The following DOCK10 variants were observed in gnomAD, a reference collection of about 807,000 sequenced individuals.
DOCK10 encodes the protein dedicator of cytokinesis 10.
Under a neutral mutation model 280.1 loss-of-function variants are expected in DOCK10, and 145 were observed. The observed-to-expected ratio is 0.52, with a 90% CI of 0.45 to 0.59. The LOEUF is 0.59. Among genes scored for constraint, DOCK10 ranks in the 20% least tolerant of loss-of-function variants. DOCK10 has a pLI of 0.00. For synonymous variants in DOCK10, 915 were observed against 942.2 expected (o/e 0.97, Z 0.53); for missense variants, 2,368 against 2,651.7 (o/e 0.89, Z 2.35).
intron 25 of DOCK10, among the ~76,000 whole-genome samples, chr2:224,837,225 C>T (rs1264957814): frequency 6.6e-6 from 1 of 152,208 alleles, no homozygotes; most frequent in Non-Finnish European, 1.5e-5. Context: ...TCTGAGTGAA[C>T]ACTTGACGTA....
chr2:224,836,947 G>A (rs1015502472), intron 25 of DOCK10, among the ~76,000 whole-genome samples: 2 of 151,892 alleles, frequency 1.3e-5, no homozygotes, highest in South Asian at 2.1e-4. Context: ...ATGAGTATCT[G>A]TCTGTGCATA....
At chr2:224,810,848 TG>T (rs988222466) in intron 31 of DOCK10, among the ~76,000 whole-genome samples, 45 of 152,142 alleles carry the variant, frequency 3.0e-4, no homozygotes, top group African/African-American at 1.1e-3. Flanking sequence ...TATTCCATGG[TG>T]TATATGTGCC....
intron 4 of DOCK10, among the ~76,000 whole-genome samples, chr2:224,891,390 T>G (rs1699651979): frequency 6.6e-6 from 1 of 152,164 alleles, no homozygotes; most frequent in Non-Finnish European, 1.5e-5. Flanking sequence ...AAAGGTTGAG[T>G]AAAAATTTCT....
At chr2:224,990,903 G>A (rs1706111483) in intron 1 of DOCK10, among the ~76,000 whole-genome samples, 1 of 152,202 alleles carries the variant, frequency 6.6e-6, no homozygotes. Flanking sequence ...ACCAGAAAAG[G>A]ATGTCACGTG....
intron 2 of DOCK10, among the ~76,000 whole-genome samples, chr2:224,928,496 T>C (rs575027420): frequency 2.4e-4 from 36 of 152,338 alleles, no homozygotes; most frequent in African/African-American, 7.7e-4. Context: ...AAACCATTCT[T>C]AGCTCATGGG....
chr2:225,019,987 C>T (rs1363869469), intron 1 of DOCK10, among the ~76,000 whole-genome samples: 5 of 152,132 alleles, frequency 3.3e-5, no homozygotes, highest in Non-Finnish European at 7.4e-5. Context: ...TATGTTGTTC[C>T]TGAGTGTTAA....
intron 1 of DOCK10, among the ~76,000 whole-genome samples, chr2:224,991,550 C>T (rs1390621316): frequency 6.6e-6 from 1 of 151,824 alleles, no homozygotes; most frequent in Non-Finnish European, 1.5e-5. Context: ...GGCTCAAAAA[C>T]AATAAAGTCA....
Position 224,802,086 on chromosome 2 carries a change from AT to A in DOCK10, c.4269-47del, listed in dbSNP as rs780914506. 2.5e-6 allele frequency: 4 copies of A among 1,590,052 alleles called. No homozygotes were observed. The South Asian group carries it at 4.5e-5, about 18-fold the overall frequency. On this transcript the variant is annotated intron_variant, in intron 39 of 55. Transcript: ENST00000258390. ...GTGGTTAGAGTTATTTGGGGATGTT[AT>A]AGCCAAATAACACTTGTTCATTCTC...
intron 1 of DOCK10, among the ~76,000 whole-genome samples, chr2:224,967,041 A>C (rs906360043): frequency 1.3e-5 from 2 of 152,120 alleles, no homozygotes; most frequent in Non-Finnish European, 1.5e-5. Context: ...TGTTCATGGA[A>C]TATCAGGACC....
intron 3 of DOCK10, among the ~76,000 whole-genome samples, chr2:224,905,372 T>C (rs962833599): frequency 6.6e-6 from 1 of 151,208 alleles, no homozygotes; most frequent in Non-Finnish European, 1.5e-5. Context: ...CTCAGCCTCC[T>C]GAGTAGCTGG....
In DOCK10 at chr2:224,970,144, C is replaced by T. The variant is rs141513119; in HGVS notation, c.124-38476G>A. ...TGAAGGGTAGTCATGTGTGTCAAAA[C>T]GTCTCCCCAGAATTAATCCAATCTA... On this transcript the variant is annotated intron_variant, in intron 1 of 55. Coordinates refer to ENST00000258390, the MANE Select transcript of DOCK10 (RefSeq NM_014689.3). The surrounding 1 kb of genome is among the most constrained non-coding windows in gnomAD (Gnocchi z 4.6). Among the ~76,000 whole-genome samples the T allele has an allele frequency of 9.2e-5, 14 of 152,292 alleles. No individual in the cohort carries two copies. Among genetic ancestry groups the T allele is most frequent in the East Asian group, 7.7e-4 (4 of 5,188 alleles).
At position 224,787,042 on chromosome 2, in the gene DOCK10, G is replaced by A. The variant is rs1213034885; in HGVS notation, c.5635C>T (p.Arg1879Cys). ...SEKRLFGRYY[R>C]VAFYGQGFFE... The stretch of plus-strand genomic sequence containing the variant: ...CTTACCTGCCCATAAAATGCCACAC[G>A]ATAGTAGCGACCAAACAGCCGCTTC... Residue 1879 changes from arginine (R) to cysteine (C), a missense_variant, in exon 50 of 56, where the codon CGT (arginine) becomes TGT (cysteine). Physicochemically the swap from Arg to Cys is radical, Grantham distance 180. Coordinates refer to ENST00000258390, the MANE Select transcript of DOCK10 (RefSeq NM_014689.3). 1.9e-6 allele frequency: 3 copies of A among 1,613,698 alleles called. No individual in the cohort carries two copies. The highest frequency in any genetic ancestry group is 1.7e-5 in the Admixed American group (1 of 59,994).
At chr2:224,819,914 T>C (rs1398334708) in intron 28 of DOCK10, among the ~76,000 whole-genome samples, 1 of 152,214 alleles carries the variant, frequency 6.6e-6, no homozygotes, top group Non-Finnish European at 1.5e-5. Context: ...AATGAAATAT[T>C]ATAGCCCCTT....
chr2:224,841,889 T>C lies in DOCK10; in HGVS notation c.2576A>G (p.His859Arg). 1 of 1,610,810 alleles carries C rather than the reference T, an allele frequency of 6.2e-7. No individual in the cohort carries two copies. The highest frequency in any genetic ancestry group is 8.5e-7 in the Non-Finnish European group (1 of 1,177,036). Residue 859 changes from histidine (H) to arginine (R), a missense_variant, in exon 23 of 56, where the codon CAT becomes CGT. By Grantham distance (29) the His-to-Arg change is conservative. Coordinates refer to ENST00000258390, the MANE Select transcript of DOCK10 (RefSeq NM_014689.3). Reference sequence around the variant, plus strand: ...GCACTCTTGGAAAAATGCATTCACATGTGGATCCTACAACAGCAAAAAAAA... The same window carrying C: ...GCACTCTTGGAAAAATGCATTCACACGTGGATCCTACAACAGCAAAAAAAA... The part of the protein sequence containing the change: ...VVSTVNTQDP[H>R]VNAFFQECQK...
chr2:224,898,615 C>T (rs547370664), intron 3 of DOCK10, among the ~76,000 whole-genome samples: 2 of 152,290 alleles, frequency 1.3e-5, no homozygotes, highest in South Asian at 2.1e-4. Flanking sequence ...CTCGCTCTGT[C>T]GCCGAGGCTG....
intron 4 of DOCK10, among the ~76,000 whole-genome samples, chr2:224,887,215 T>G (rs1262625658): frequency 2.0e-5 from 3 of 152,184 alleles, no homozygotes; most frequent in Non-Finnish European, 4.4e-5. Flanking sequence ...GTCATTTCTG[T>G]GTCATCTGTA....
At chr2:224,931,696 T>C (rs560945109) in intron 1 of DOCK10, 28 bp from the exon 2 acceptor site, 9 of 1,561,206 alleles carry the variant, frequency 5.8e-6, no homozygotes, top group Middle Eastern at 1.7e-4. Context: ...ATGGTATTAA[T>C]CACTGACATA....
At chr2:224,849,651 G>T in intron 18 of DOCK10, 52 bp from the exon 19 acceptor site, 1 of 1,333,882 alleles carries the variant, frequency 7.5e-7, no homozygotes, top group South Asian at 1.3e-5. Flanking sequence ...AATTATCCCT[G>T]GGTGAAAAAA....
chr2:224,916,556 AAAAAAAG>A, intron 3 of DOCK10, 132 bp downstream of exon 3: 1 of 535,338 alleles, frequency 1.9e-6, no homozygotes, highest in South Asian at 2.5e-5. Flanking sequence ...AAAAAAAAAA[AAAAAAAG>A]ACATCCACTA....
Sources: allele counts gnomAD v4.1 joint callset (sites outside exome capture counted in the v4.1 genomes callset), GRCh38; gene constraint gnomAD v4.1.1; non-coding constraint Gnocchi (gnomAD v3.1); transcripts MANE v1.5; gene names NCBI Gene and HGNC (gene_info 2026-07-23, HGNC 2026-07-21).